Variants in APP observed in about 807,000 individuals in gnomAD.
The protein encoded by APP is amyloid-beta precursor protein.
APP carries 31 observed loss-of-function variants against 101.4 expected under a neutral mutation model. The observed-to-expected ratio is 0.31, with a 90% CI of 0.23 to 0.41. The LOEUF is 0.41. Among genes scored for constraint, APP ranks in the 10% least tolerant of loss-of-function variants. The pLI is 1.00. For missense variants in APP, 839 were observed against 1,003.7 expected (o/e 0.84, Z 2.22); for synonymous variants, 366 against 364.4 (o/e 1.00, Z -0.05).
chr21:26,058,812 T>A (rs2046143977), intron 3 of APP, among the ~76,000 whole-genome samples: 1 of 152,180 alleles, frequency 6.6e-6, no homozygotes, highest in Admixed American at 6.5e-5. Context: ...CCGGGCGCGG[T>A]GGCTCACGCC....
intron 5 of APP, among the ~76,000 whole-genome samples, chr21:26,042,995 GA>G (rs777358126): frequency 1.2e-4 from 19 of 152,090 alleles, no homozygotes; most frequent in Non-Finnish European, 2.5e-4. Flanking sequence ...TACACTGGAG[GA>G]AAAAGGTGAC....
At chr21:25,997,717 A>AT (rs995201454) in intron 7 of APP, among the ~76,000 whole-genome samples, 2 of 152,024 alleles carry the variant, frequency 1.3e-5, no homozygotes, top group African/African-American at 4.8e-5. Context: ...CCTTCGATGC[A>AT]TTTTTTCACA....
chr21:26,077,386 T>C (rs1488832008), intron 3 of APP, among the ~76,000 whole-genome samples: 2 of 152,202 alleles, frequency 1.3e-5, no homozygotes, highest in African/African-American at 2.4e-5. Context: ...GCATCTGTAT[T>C]GTGAGTCTGC....
intron 1 of APP, among the ~76,000 whole-genome samples, chr21:26,156,000 C>CAAAAAAAAAAAAAAAAAAAAAAAAAA (rs757330872): frequency 1.1e-5 from 1 of 90,178 alleles, no homozygotes; most frequent in African/African-American, 3.7e-5. Flanking sequence ...GACTTCGTCT[C>CAAAAAAAAAAAAAAAAAAAAAAAAAA]AAAAAAAAAA....
chr21:25,887,226 G>C (rs1304697740), intron 17 of APP, among the ~76,000 whole-genome samples: 8 of 152,128 alleles, frequency 5.3e-5, no homozygotes, highest in Non-Finnish European at 8.8e-5. Context: ...ATGTAGAAAA[G>C]TACCGCTTGC....
At chr21:26,082,347 T>C (rs752764453) in intron 3 of APP, among the ~76,000 whole-genome samples, 33 of 152,354 alleles carry the variant, frequency 2.2e-4, no homozygotes, top group Admixed American at 3.9e-4. Context: ...TATTAAAATA[T>C]AGTTTCTTTG....
intron 3 of APP, among the ~76,000 whole-genome samples, chr21:26,068,569 C>T (rs937594400): frequency 1.3e-5 from 2 of 151,916 alleles, no homozygotes; most frequent in African/African-American, 2.4e-5. Flanking sequence ...GGTCTCGCCA[C>T]GTTGCCCAAG....
intron 15 of APP, 29 bp from the exon 16 acceptor site, chr21:25,897,702 G>T: frequency 1.9e-6 from 3 of 1,559,534 alleles, no homozygotes; most frequent in Non-Finnish European, 2.7e-6. Flanking sequence ...AAAGTATGCA[G>T]GACAACCAAT....
intron 13 of APP, chr21:25,942,542 C>T (rs1256116459): frequency 2.0e-5 from 3 of 152,154 alleles, no homozygotes; most frequent in African/African-American, 4.8e-5. Context: ...GATACAGCTT[C>T]TTAACTGTTT....
At chr21:26,092,606 T>C (rs1175740236) in intron 2 of APP, among the ~76,000 whole-genome samples, 6 of 152,180 alleles carry the variant, frequency 3.9e-5, no homozygotes, top group Admixed American at 3.9e-4. Context: ...ATGATGGACA[T>C]ATGTCATTAT....
chr21:25,965,308 G>A (rs1025455778), intron 11 of APP, among the ~76,000 whole-genome samples: 12 of 152,148 alleles, frequency 7.9e-5, no homozygotes, highest in African/African-American at 2.9e-4. Context: ...TTTGTCAAAC[G>A]GTCTGATCAT....
At chr21:25,916,784 T>C (rs2039370746) in intron 13 of APP, among the ~76,000 whole-genome samples, 1 of 152,192 alleles carries the variant, frequency 6.6e-6, no homozygotes, top group Non-Finnish European at 1.5e-5. Context: ...CCCAAAATTG[T>C]AGCGTTTATC....
At chr21:26,106,096 G>C (rs2146185674) in intron 2 of APP, among the ~76,000 whole-genome samples, 1 of 152,316 alleles carries the variant, frequency 6.6e-6, no homozygotes, top group Non-Finnish European at 1.5e-5. Flanking sequence ...GAACAAAGTT[G>C]GGATGCCAAA....
rs1436036094 is a variant in APP, at chr21:25,882,007, AAC to A, written c.2212-238_2212-237del. On this transcript the variant is annotated intron_variant, in intron 17 of 17. Coordinates refer to ENST00000346798, the MANE Select transcript of APP (RefSeq NM_000484.4). The stretch of plus-strand genomic sequence containing the variant: ...GCGGTGGAAACCTTGACGCGCTTGC[AAC>A]GTGTCCAGTGGTTGTTTCTGGTTCC... 2.0e-5 allele frequency among the ~76,000 whole-genome samples: 3 copies of A among 152,126 alleles called. No homozygotes were observed. In the East Asian group the frequency reaches 5.8e-4, roughly 29 times the overall value.
intron 16 of APP, among the ~76,000 whole-genome samples, chr21:25,895,234 C>G (rs9976425): frequency 4.0e-5 from 6 of 150,524 alleles, no homozygotes; most frequent in African/African-American, 1.5e-4. Flanking sequence ...AGTGCGATCT[C>G]GGCTCACTGC....
intron 2 of APP, among the ~76,000 whole-genome samples, chr21:26,095,914 A>G (rs2061931373): frequency 6.6e-6 from 1 of 152,204 alleles, no homozygotes; most frequent in African/African-American, 2.4e-5. Flanking sequence ...ACCCAATTCC[A>G]ACTATTTCCT....
chr21:26,085,112 G>A lies in APP; in HGVS notation c.355+4831C>T, dbSNP rs546453749. ...ACTGTTGGGAGATAAACACTGATAA[G>A]ATTTCTTTTCCGGACATGTTTTCTT... On this transcript the variant is annotated intron_variant, in intron 3 of 17. Coordinates refer to ENST00000346798, the MANE Select transcript of APP (RefSeq NM_000484.4). Among the ~76,000 whole-genome samples the A allele has an allele frequency of 3.9e-5, 6 of 152,274 alleles. 1 individual carries two copies. In the South Asian group the frequency reaches 1.2e-3, roughly 32 times the overall value.
At chr21:25,934,138 T>TA (rs1197691984) in intron 13 of APP, 1 of 152,170 alleles carries the variant, frequency 6.6e-6, no homozygotes, top group Non-Finnish European at 1.5e-5. Flanking sequence ...GGGGTGCATG[T>TA]ACCAACCAAA....
At chr21:25,889,595 C>A (rs1275224184) in intron 17 of APP, among the ~76,000 whole-genome samples, 1 of 152,150 alleles carries the variant, frequency 6.6e-6, no homozygotes, top group East Asian at 1.9e-4. Flanking sequence ...AATCCCAGCA[C>A]CTTGGGAGGT....
Sources: allele counts gnomAD v4.1 joint callset (sites outside exome capture counted in the v4.1 genomes callset), GRCh38; gene constraint gnomAD v4.1.1; transcripts MANE v1.5; gene names NCBI Gene and HGNC (gene_info 2026-07-23, HGNC 2026-07-21).